Variants in FREM2 observed in about 807,000 individuals in gnomAD.
The protein encoded by FREM2 is FRAS1-related extracellular matrix protein 2.
Under a neutral mutation model 219.9 loss-of-function variants are expected in FREM2, and 119 were observed. That is an observed-to-expected ratio of 0.54 (90% CI 0.47 to 0.63). FREM2 has a LOEUF of 0.63. FREM2 is among the 30% of genes least tolerant of loss of function. The probability of loss-of-function intolerance (pLI) is 0.00; values close to 1 mark genes in which losing one functional copy is unlikely to be tolerated. For synonymous variants in FREM2, 1,562 were observed against 1,522.8 expected, an observed-to-expected ratio of 1.03 and a Z score of -0.60; for missense variants, 4,030 against 3,993.6, an observed-to-expected ratio of 1.01 and a Z score of -0.25.
Position 38,861,500 on chromosome 13 carries a change from G to GC in FREM2, c.7592dup (p.Glu2532Ter). 6.2e-7 allele frequency: 1 copy of GC among 1,611,030 alleles called. No individual in the cohort carries two copies. Among genetic ancestry groups the GC allele is most frequent in the Non-Finnish European group, 8.5e-7 (1 of 1,178,248 alleles). On this transcript the variant is annotated frameshift_variant, in exon 15 of 24. Coordinates refer to ENST00000280481, the MANE Select transcript of FREM2 (RefSeq NM_207361.6). LOFTEE classifies it high-confidence loss of function. The stretch of plus-strand genomic sequence containing the variant: ...TTCTCAGCTAAATTGCGCTACACAG[G>GC]CCCTGAGGATGCAGACTACACAAAC...
intron 2 of FREM2, among the ~76,000 whole-genome samples, chr13:38,712,674 ACAAACACACAC>A (rs1870829209): frequency 7.0e-6 from 1 of 143,256 alleles, no homozygotes; most frequent in Non-Finnish European, 1.6e-5. Flanking sequence ...ACACACACAC[ACAAACACACAC>A]ACACACAAGT....
At chr13:38,769,908 A>C (rs1873589085) in intron 4 of FREM2, 100 bp downstream of exon 4, 2 of 870,320 alleles carry the variant, frequency 2.3e-6, no homozygotes, top group African/African-American at 1.7e-5. Flanking sequence ...CAATGTTTGA[A>C]ATTTCCATAG....
intron 6 of FREM2, among the ~76,000 whole-genome samples, chr13:38,809,130 T>C (rs1219808714): frequency 6.6e-6 from 1 of 151,656 alleles, no homozygotes; most frequent in Non-Finnish European, 1.5e-5. Flanking sequence ...AAAAGCCTTG[T>C]CTTCAAGTTC....
Position 38,864,611 on chromosome 13 carries a change from A to C in FREM2, c.7983+5A>C. 6.2e-7 allele frequency: 1 copy of C among 1,612,832 alleles called. No individual in the cohort carries two copies. The highest frequency in any genetic ancestry group is 8.5e-7 in the Non-Finnish European group (1 of 1,178,784). On this transcript the variant is annotated splice_donor_5th_base_variant and intron_variant, in intron 16 of 23. Coordinates refer to ENST00000280481, the MANE Select transcript of FREM2 (RefSeq NM_207361.6). ...ACCATTGGAACAGATGGACAGGTAC[A>C]GATTTATAACATCTGAGTTTGGTCA...
intron 6 of FREM2, among the ~76,000 whole-genome samples, chr13:38,822,347 CTTT>C (rs951562767): frequency 3.0e-5 from 3 of 100,048 alleles, no homozygotes; most frequent in African/African-American, 3.1e-5. Flanking sequence ...TTCTTTCTTT[CTTT>C]TTTTTTTTTT....
At position 38,691,656 on chromosome 13, in the gene FREM2, A is replaced by C. The variant is rs771794507; in HGVS notation, c.4312A>C (p.Thr1438Pro). Residue 1438 changes from threonine (T) to proline (P), a missense_variant, in exon 1 of 24, where the codon ACT becomes CCT. By Grantham distance (38) the Thr-to-Pro change is conservative (BLOSUM62 -1). Transcript: ENST00000280481. ...GTCCTTGAAAGAAGGTGGCAAAGTC[A>C]CTCTTACAACAGACCTACTAAGCAC... ...GVSLKEGGKV[T>P]LTTDLLSTSD... 1 of 1,614,056 alleles carries C rather than the reference A, an allele frequency of 6.2e-7. No individual in the cohort carries two copies. The highest frequency in any genetic ancestry group is 2.2e-5 in the East Asian group (1 of 44,878).
At chr13:38,781,641 A>G (rs1216477193) in intron 4 of FREM2, among the ~76,000 whole-genome samples, 4 of 152,192 alleles carry the variant, frequency 2.6e-5, no homozygotes, top group Non-Finnish European at 5.9e-5. Flanking sequence ...CAGATTTCTT[A>G]AAATGGGGGC....
At chr13:38,801,948 G>A (rs1875028515) in intron 6 of FREM2, among the ~76,000 whole-genome samples, 1 of 152,112 alleles carries the variant, frequency 6.6e-6, no homozygotes, top group Admixed American at 6.6e-5. Flanking sequence ...GATTGGGCAC[G>A]CACATATGGG....
At chr13:38,786,391 A>G (rs750984555) in intron 6 of FREM2, among the ~76,000 whole-genome samples, 11 of 152,184 alleles carry the variant, frequency 7.2e-5, no homozygotes, top group Non-Finnish European at 1.6e-4. Flanking sequence ...AAATTTATAT[A>G]ATACCCTATA....
In FREM2 at chr13:38,688,578, T is replaced by A. The variant is rs758475574; in HGVS notation, c.1234T>A (p.Leu412Met). The change falls in exon 1 of 24, where the codon TTG becomes ATG. Residue 412 changes from leucine (L) to methionine (M), a missense_variant. Transcript: ENST00000280481. ...CCAGGAGCGCCTCTTTGAACTGGAA[T>A]TGGAGGTAGTGGATCTAGAAGGAGC... Reference protein sequence around the residue: ...SDQERLFELELEVVDLEGAAS... With the variant: ...SDQERLFELEMEVVDLEGAAS... The A allele has an allele frequency of 1.2e-6, 2 of 1,613,690 alleles. No individual in the cohort carries two copies. The highest frequency in any genetic ancestry group is 2.2e-5 in the South Asian group (2 of 91,052).
At position 38,877,215 on chromosome 13, in the gene FREM2, G is replaced by A. The variant is rs771093246; in HGVS notation, c.8643G>A (p.Gly2881=). 1 of 1,613,978 alleles carries A rather than the reference G, an allele frequency of 6.2e-7. No homozygotes were observed. The highest frequency in any genetic ancestry group is 1.7e-5 in the Admixed American group (1 of 60,020). ...TGTCTGATGGATCCATGGGATTCGGGCAAGAGAGTGATGTTGCTTTTGCAG... is the reference window on the plus strand; with the variant it reads ...TGTCTGATGGATCCATGGGATTCGGACAAGAGAGTGATGTTGCTTTTGCAG... ...LWLSDGSMGF[G]QESDVAFAEG... The change falls in exon 21 of 24, where the codon GGG becomes GGA. Residue 2881 remains glycine, a synonymous_variant. Transcript: ENST00000280481.
intron 2 of FREM2, among the ~76,000 whole-genome samples, chr13:38,701,489 G>A (rs1254732801): frequency 2.0e-5 from 3 of 151,946 alleles, no homozygotes; most frequent in African/African-American, 7.3e-5. Flanking sequence ...TCCAGATCCA[G>A]TACTCTGGAA....
Position 38,784,574 on chromosome 13 carries a change from G to A in FREM2, c.5785G>A (p.Val1929Met). ...YTQQGTATGT[V>M]PTSVLSYSDY... ...GCTTCCAGGAACAGCAACTGGAACT[G>A]TGCCGACTTCCGTGTTGTCTTACTC... The change falls in exon 6 of 24, where the codon GTG becomes ATG. Residue 1929 changes from valine (V) to methionine (M), a missense_variant. This residue lies in a region of FREM2 where 3,102 missense variants were observed against 2,950.7 expected (regional missense o/e 1.05). Transcript: ENST00000280481. 1 of 1,614,200 alleles carries A rather than the reference G, an allele frequency of 6.2e-7. No individual in the cohort carries two copies. Among genetic ancestry groups the A allele is most frequent in the Non-Finnish European group, 8.5e-7 (1 of 1,179,996 alleles).
intron 4 of FREM2, among the ~76,000 whole-genome samples, chr13:38,771,197 G>A (rs1279671966): frequency 6.6e-6 from 1 of 152,162 alleles, no homozygotes; most frequent in East Asian, 1.9e-4. Context: ...AATTATGTTT[G>A]TAATTTTCAT....
chr13:38,755,443 C>T (rs1872958997), intron 2 of FREM2, among the ~76,000 whole-genome samples: 1 of 152,052 alleles, frequency 6.6e-6, no homozygotes, highest in Non-Finnish European at 1.5e-5. Context: ...CTGCTTGGCC[C>T]CTGGTGTGAA....
chr13:38,861,415 CT>C lies in FREM2; in HGVS notation c.7520-5del, dbSNP rs36084034. 4.4e-3 allele frequency: 5,491 copies of C among 1,259,894 alleles called. 2 individuals are homozygous for C. The highest frequency in any genetic ancestry group is 0.013 in the African/African-American group (850 of 66,628). The allele number at this position is 1,259,894 out of a possible 1,614,324, so 78.0% of individuals were successfully genotyped here. The stretch of plus-strand genomic sequence containing the variant: ...TACCTTCTTTTCGCATAAATATGGT[CT>C]TTTTTTTTTTCAAGGTCTTTGTCAG... On this transcript the variant is annotated splice_polypyrimidine_tract_variant and intron_variant, in intron 14 of 23. Transcript: ENST00000280481.
chr13:38,882,907 C>T lies in FREM2; in HGVS notation c.*2120C>T, dbSNP rs1189812452. 6.6e-6 allele frequency: 1 copy of T among 152,168 alleles called. No homozygotes were observed. The highest frequency in any genetic ancestry group is 1.5e-5 in the Non-Finnish European group (1 of 68,030). 9.4% of individuals were successfully genotyped at this position (152,168 alleles called of 1,614,324 possible). A position where few individuals can be genotyped will look rare whatever the true frequency, so the allele number is the denominator to read the frequency against. ...CCGAGCCTATCATGCAATTTGGAGT[C>T]TGTCAATGAATATAGCAATCGGTGA... On this transcript the variant is annotated 3_prime_UTR_variant, in exon 24 of 24. Coordinates refer to ENST00000280481, the MANE Select transcript of FREM2 (RefSeq NM_207361.6).
intron 9 of FREM2, 121 bp from the exon 10 acceptor site, chr13:38,850,823 A>G: frequency 1.8e-6 from 2 of 1,089,088 alleles, no homozygotes; most frequent in South Asian, 1.3e-5. Flanking sequence ...TGCATGCCAA[A>G]CACTATTTAT....
chr13:38,769,115 CTT>C (rs1239337612), intron 3 of FREM2, among the ~76,000 whole-genome samples: 3 of 152,102 alleles, frequency 2.0e-5, no homozygotes, highest in Non-Finnish European at 4.4e-5. Flanking sequence ...CCATTTATGA[CTT>C]AGATTGTGAG....
Sources: allele counts gnomAD v4.1 joint callset (sites outside exome capture counted in the v4.1 genomes callset), GRCh38; gene constraint gnomAD v4.1.1; regional missense constraint gnomAD v4.1.1; transcripts MANE v1.5; gene names NCBI Gene and HGNC (gene_info 2026-07-23, HGNC 2026-07-21).